Variants in LDB2 observed in about 807,000 individuals in gnomAD.
The protein encoded by LDB2 is LIM domain binding 2, also known as LIM domain-binding protein 2.
A neutral mutation model predicts 44.3 loss-of-function variants in LDB2; 12 were observed. The observed-to-expected ratio is 0.27, with a 90% CI of 0.17 to 0.44. LDB2 has a LOEUF of 0.44. Among genes scored for constraint, LDB2 ranks in the 20% least tolerant of loss-of-function variants. LDB2 has a pLI of 1.00. For synonymous variants in LDB2, 164 were observed against 174.8 expected, an observed-to-expected ratio of 0.94 and a Z score of 0.49; for missense variants, 344 against 473.5, an observed-to-expected ratio of 0.73 and a Z score of 2.54.
chr4:16,701,981 A>C (rs1432569026), intron 2 of LDB2, among the ~76,000 whole-genome samples: 1 of 152,186 alleles, frequency 6.6e-6, no homozygotes, highest in Non-Finnish European at 1.5e-5. Flanking sequence ...TACTATTGCT[A>C]TCATTATTGC....
chr4:16,684,933 C>T (rs1578762650), intron 2 of LDB2, among the ~76,000 whole-genome samples: 1 of 152,150 alleles, frequency 6.6e-6, no homozygotes, highest in South Asian at 2.1e-4. Flanking sequence ...AATAAATGGG[C>T]ATGGCTGTGT....
chr4:16,518,764 T>C (rs1189036615), intron 5 of LDB2, among the ~76,000 whole-genome samples: 1 of 152,236 alleles, frequency 6.6e-6, no homozygotes, highest in Non-Finnish European at 1.5e-5. Flanking sequence ...GATAAAGAGC[T>C]TGAGGCAGAG....
At chr4:16,513,104 A>G (rs1002043875) in intron 5 of LDB2, among the ~76,000 whole-genome samples, 2 of 152,088 alleles carry the variant, frequency 1.3e-5, no homozygotes, top group Non-Finnish European at 2.9e-5. Flanking sequence ...TCATCAGCCT[A>G]TCTTCCTTAT....
At chr4:16,579,944 C>T (rs1713663772) in intron 5 of LDB2, among the ~76,000 whole-genome samples, 1 of 152,120 alleles carries the variant, frequency 6.6e-6, no homozygotes, top group African/African-American at 2.4e-5. Context: ...TGAGACTGTG[C>T]ACAGAACTCC....
At chr4:16,876,728 G>GA (rs1040502561) in intron 1 of LDB2, among the ~76,000 whole-genome samples, 1 of 151,812 alleles carries the variant, frequency 6.6e-6, no homozygotes, top group African/African-American at 2.4e-5. Flanking sequence ...TACATTAGGG[G>GA]AAAAAGCATT....
At chr4:16,644,320 A>T (rs1462064575) in intron 2 of LDB2, among the ~76,000 whole-genome samples, 1 of 152,228 alleles carries the variant, frequency 6.6e-6, no homozygotes, top group East Asian at 1.9e-4. Flanking sequence ...GTGTTTTCTT[A>T]AAAAAGGGCT....
chr4:16,852,689 G>T (rs975379805), intron 1 of LDB2, among the ~76,000 whole-genome samples: 1 of 152,052 alleles, frequency 6.6e-6, no homozygotes. Context: ...TTAAATACAA[G>T]AGTAACATTT....
chr4:16,894,282 A>C (rs1724278683), intron 1 of LDB2, among the ~76,000 whole-genome samples: 2 of 152,170 alleles, frequency 1.3e-5, no homozygotes, highest in Non-Finnish European at 2.9e-5. Flanking sequence ...GACAGCATAC[A>C]CAACAGAAAA....
chr4:16,794,834 C>T (rs557326689), intron 1 of LDB2, among the ~76,000 whole-genome samples: 7 of 152,338 alleles, frequency 4.6e-5, no homozygotes, highest in Non-Finnish European at 4.4e-5. Context: ...TTAACTTAAG[C>T]ATCACCTGCT....
intron 1 of LDB2, among the ~76,000 whole-genome samples, chr4:16,843,615 TTTC>T (rs1466368940): frequency 6.6e-6 from 1 of 152,216 alleles, no homozygotes; most frequent in Non-Finnish European, 1.5e-5. Context: ...TAAATTTGTA[TTTC>T]TTTTTTTTGT....
At chr4:16,808,118 A>C (rs1376130531) in intron 1 of LDB2, among the ~76,000 whole-genome samples, 3 of 152,158 alleles carry the variant, frequency 2.0e-5, no homozygotes, top group Admixed American at 6.5e-5. Context: ...GAAGGAAAAA[A>C]AGGAAAGGAA....
In LDB2 at chr4:16,880,829, G is replaced by A. The variant is rs570880164; in HGVS notation, c.132+17525C>T. 1.1e-4 allele frequency among the ~76,000 whole-genome samples: 16 copies of A among 151,232 alleles called. No homozygotes were observed. The South Asian group carries it at 1.5e-3, about 14-fold the overall frequency. ...TGAGGCAGGAGAATAGTGTGAACCC[G>A]GGAGGCGGAGCTTGCAGTGAGTCAA... On this transcript the variant is annotated intron_variant, in intron 1 of 7. Coordinates refer to ENST00000304523, the MANE Select transcript of LDB2 (RefSeq NM_001290.5).
At chr4:16,850,947 A>ATGTGTGTGTGTGTGTGT (rs71649986) in intron 1 of LDB2, among the ~76,000 whole-genome samples, 71 of 143,176 alleles carry the variant, frequency 5.0e-4, no homozygotes, top group African/African-American at 1.9e-3. Context: ...TAAAACCATA[A>ATGTGTGTGTGTGTGTGT]GTGTGTGTGT....
intron 5 of LDB2, among the ~76,000 whole-genome samples, chr4:16,528,479 T>C (rs1729019729): frequency 6.6e-6 from 1 of 152,244 alleles, no homozygotes; most frequent in Non-Finnish European, 1.5e-5. Flanking sequence ...TGTTGGCCTT[T>C]GGTCTGAGAG....
intron 5 of LDB2, among the ~76,000 whole-genome samples, chr4:16,539,648 C>T (rs1398795419): frequency 6.6e-6 from 1 of 152,012 alleles, no homozygotes; most frequent in Non-Finnish European, 1.5e-5. Context: ...AAACTTGTGC[C>T]AAATTTATTC....
In LDB2 at chr4:16,860,992, T is replaced by C. The variant is rs533002031; in HGVS notation, c.132+37362A>G. The stretch of plus-strand genomic sequence containing the variant: ...ACACAAGGATTCTGTAGCTTAAATA[T>C]ACTAGGCATGATAACTCAAAAGACC... On this transcript the variant is annotated intron_variant, in intron 1 of 7. Coordinates refer to ENST00000304523, the MANE Select transcript of LDB2 (RefSeq NM_001290.5). Among the ~76,000 whole-genome samples, 98 of 152,282 alleles carry C rather than the reference T, an allele frequency of 6.4e-4. 1 individual carries two copies. The highest frequency in any genetic ancestry group is 6.8e-3 in the Middle Eastern group (2 of 294).
chr4:16,867,788 A>G (rs1480171118), intron 1 of LDB2, among the ~76,000 whole-genome samples: 1 of 152,222 alleles, frequency 6.6e-6, no homozygotes, highest in Non-Finnish European at 1.5e-5. Context: ...ACACTTCAAG[A>G]CAATGAAGTC....
At chr4:16,757,932 G>A (rs973428143) in intron 2 of LDB2, among the ~76,000 whole-genome samples, 10 of 151,744 alleles carry the variant, frequency 6.6e-5, no homozygotes, top group South Asian at 2.1e-4. Flanking sequence ...CCCTCCTCTC[G>A]CCCAAAATAT....
chr4:16,587,842 ACT>A (rs1272515175), intron 4 of LDB2, among the ~76,000 whole-genome samples: 3 of 151,858 alleles, frequency 2.0e-5, no homozygotes, highest in African/African-American at 4.8e-5. Flanking sequence ...TACTAACTCA[ACT>A]CTCTGCCTGA....
Sources: gnomAD v4.1 joint callset for allele counts (sites outside exome capture counted in the v4.1 genomes callset) on GRCh38, gnomAD v4.1.1 for gene constraint, MANE v1.5 for transcripts, NCBI Gene and HGNC (gene_info 2026-07-23, HGNC 2026-07-21) for gene names.